PCDHGA2: variants seen among roughly 807,000 people sequenced by gnomAD.
PCDHGA2 encodes protocadherin gamma-A2.
A neutral mutation model predicts 59.2 loss-of-function variants in PCDHGA2; 40 were observed. The observed-to-expected ratio is 0.68, with a 90% CI of 0.52 to 0.88. PCDHGA2 has a LOEUF of 0.88. Among genes scored for constraint, PCDHGA2 ranks in the 40% least tolerant of loss-of-function variants. The pLI, the probability that PCDHGA2 is intolerant of heterozygous loss-of-function variation, is 0.00. For synonymous variants in PCDHGA2, 560 were observed against 526.0 expected (o/e 1.06, Z -0.89); for missense variants, 1,226 against 1,204.0 (o/e 1.02, Z -0.27).
intron 1 of PCDHGA2, chr5:141,375,344 A>T: frequency 6.2e-7 from 1 of 1,613,836 alleles, no homozygotes; most frequent in South Asian, 1.1e-5. Context: ...GTACAACATC[A>T]CTGTGACAGC....
Position 141,346,081 on chromosome 5 carries a change from A to T in PCDHGA2, c.2424+4686A>T, listed in dbSNP as rs200571439. 3,022 of 1,613,430 alleles carry T rather than the reference A, an allele frequency of 1.9e-3. 45 individuals are homozygous for T. In the African/African-American group the frequency reaches 0.031, roughly 17 times the overall value. Reference sequence around the variant, plus strand: ...CTGGGCAGCCTCGAGCCCTCCGCCAAACCCAACGATTCGGACCTCACTCTG... The same window carrying T: ...CTGGGCAGCCTCGAGCCCTCCGCCATACCCAACGATTCGGACCTCACTCTG... On this transcript the variant is annotated intron_variant, in intron 1 of 3. Coordinates refer to ENST00000394576, the MANE Select transcript of PCDHGA2 (RefSeq NM_018915.4).
chr5:141,422,973 T>G (rs1157516415), intron 1 of PCDHGA2: 1 of 1,614,102 alleles, frequency 6.2e-7, no homozygotes, highest in Non-Finnish European at 8.5e-7. Flanking sequence ...CGCCCCGCTC[T>G]GCGGAACCTG....
At chr5:141,375,495 T>C (rs1771526173) in intron 1 of PCDHGA2, 13 of 1,613,800 alleles carry the variant, frequency 8.1e-6, no homozygotes, top group Non-Finnish European at 1.1e-5. Flanking sequence ...GGTGCCTCCA[T>C]CTTCTCTGTG....
At chr5:141,421,776 G>A in intron 1 of PCDHGA2, 5 of 1,613,876 alleles carry the variant, frequency 3.1e-6, no homozygotes, top group Non-Finnish European at 3.4e-6. Context: ...CCTTGCAACT[G>A]CGGGGCAGAA....
chr5:141,484,788 TAAC>T (rs1245576501), intron 1 of PCDHGA2, among the ~76,000 whole-genome samples: 1 of 151,732 alleles, frequency 6.6e-6, no homozygotes, highest in Non-Finnish European at 1.5e-5. Flanking sequence ...CCCACAGAGA[TAAC>T]AACCCGTGGA....
At chr5:141,351,901 G>A (rs760555793) in intron 1 of PCDHGA2, 107 of 1,613,270 alleles carry the variant, frequency 6.6e-5, no homozygotes, top group Admixed American at 2.5e-4. Flanking sequence ...TGCGCGTGTT[G>A]GTGGGCGACC....
intron 1 of PCDHGA2, chr5:141,350,068 T>C: frequency 2.4e-6 from 1 of 420,958 alleles, no homozygotes; most frequent in Admixed American, 4.0e-5. Flanking sequence ...AAGTGAAGGC[T>C]TCTCAATTCT....
Position 141,355,831 on chromosome 5 carries a change from G to A in PCDHGA2, c.2424+14436G>A, listed in dbSNP as rs1289271029. On this transcript the variant is annotated intron_variant, in intron 1 of 3. Coordinates refer to ENST00000394576, the MANE Select transcript of PCDHGA2 (RefSeq NM_018915.4). ...CGAGGAAGAGGCGGTTCACCACCTC[G>A]TTCTCACGGCCTTCGATGGAGGTGA... 1 of 1,612,566 alleles carries A rather than the reference G, an allele frequency of 6.2e-7. No individual in the cohort carries two copies. The highest frequency in any genetic ancestry group is 1.3e-5 in the African/African-American group (1 of 75,008).
At chr5:141,441,852 G>A in intron 1 of PCDHGA2, 1 of 352,826 alleles carries the variant, frequency 2.8e-6, no homozygotes, top group South Asian at 2.4e-5. Flanking sequence ...TGGATATGGT[G>A]CTGCACGCCG....
rs1384951887 is a variant in PCDHGA2, at chr5:141,465,860, T to C, written c.2425-28947T>C. ...AACTGAGGCTGGGCCCAGTGGCTCA[T>C]GCCTGTAATCCCAGCACTTTGGGAG... On this transcript the variant is annotated intron_variant, in intron 1 of 3. Coordinates refer to ENST00000394576, the MANE Select transcript of PCDHGA2 (RefSeq NM_018915.4). Among the ~76,000 whole-genome samples the C allele has an allele frequency of 2.0e-5, 3 of 152,114 alleles. No individual in the cohort carries two copies. The South Asian group carries it at 6.2e-4, about 32-fold the overall frequency.
chr5:141,406,183 C>T (rs1048428263), intron 1 of PCDHGA2, among the ~76,000 whole-genome samples: 5 of 151,756 alleles, frequency 3.3e-5, no homozygotes, highest in Admixed American at 6.6e-5. Flanking sequence ...TGCAATCCTC[C>T]CACCTCAGCC....
At chr5:141,375,779 G>C (rs749559180) in intron 1 of PCDHGA2, 1 of 1,614,176 alleles carries the variant, frequency 6.2e-7, no homozygotes, top group South Asian at 1.1e-5. Flanking sequence ...CCTGTACCCC[G>C]CCCTCCCCAC....
intron 1 of PCDHGA2, among the ~76,000 whole-genome samples, chr5:141,347,070 CCTCT>C (rs1318040353): frequency 4.9e-5 from 7 of 144,160 alleles, no homozygotes; most frequent in South Asian, 2.2e-4. Context: ...TTCCTTCCTT[CCTCT>C]CTCTCTTTCC....
intron 1 of PCDHGA2, chr5:141,392,870 G>C: frequency 6.2e-7 from 1 of 1,613,226 alleles, no homozygotes; most frequent in Non-Finnish European, 8.5e-7. Context: ...TGTGCGCGCT[G>C]CTGGGAACGC....
intron 1 of PCDHGA2, chr5:141,389,625 G>C: frequency 6.2e-7 from 1 of 1,613,020 alleles, no homozygotes; most frequent in Non-Finnish European, 8.5e-7. Flanking sequence ...GCACGCTGCA[G>C]AGCCTGGCTA....
intron 1 of PCDHGA2, among the ~76,000 whole-genome samples, chr5:141,463,896 T>C (rs982611169): frequency 2.0e-5 from 3 of 152,192 alleles, no homozygotes; most frequent in African/African-American, 7.2e-5. Flanking sequence ...CCTTGCTTTT[T>C]GTACTAATAA....
Position 141,485,152 on chromosome 5 carries a change from A to C in PCDHGA2, c.2425-9655A>C. ...CTTCATCCGCGTCTCAGGAGCAAGT[A>C]GAGAATTAGCGGGCGGCAGCAATGC... On this transcript the variant is annotated intron_variant, in intron 1 of 3. Coordinates refer to ENST00000394576, the MANE Select transcript of PCDHGA2 (RefSeq NM_018915.4). The surrounding 1 kb of genome is among the most constrained non-coding windows in gnomAD (Gnocchi z 5.7). 8.8e-6 allele frequency: 14 copies of C among 1,586,038 alleles called. No individual in the cohort carries two copies. The highest frequency in any genetic ancestry group is 1.0e-5 in the Non-Finnish European group (12 of 1,157,128).
chr5:141,420,269 A>G, intron 1 of PCDHGA2: 1 of 1,544,558 alleles, frequency 6.5e-7, no homozygotes, highest in Admixed American at 2.0e-5. Flanking sequence ...GAAGATTCTT[A>G]AACAGGTAAG....
intron 1 of PCDHGA2, chr5:141,345,406 C>T: frequency 1.2e-6 from 2 of 1,614,138 alleles, no homozygotes; most frequent in Non-Finnish European, 8.5e-7. Flanking sequence ...TTATCCTACT[C>T]CGCCTACATT....
Sources: allele counts gnomAD v4.1 joint callset (sites outside exome capture counted in the v4.1 genomes callset), GRCh38; gene constraint gnomAD v4.1.1; non-coding constraint Gnocchi (gnomAD v3.1); transcripts MANE v1.5; gene names NCBI Gene and HGNC (gene_info 2026-07-23, HGNC 2026-07-21).